Variants in LRRFIP1 observed in about 807,000 individuals in gnomAD.
LRRFIP1 encodes the protein leucine-rich repeat flightless-interacting protein 1.
Under a neutral mutation model 104.4 loss-of-function variants are expected in LRRFIP1, and 62 were observed. The observed-to-expected ratio is 0.59, with a 90% CI of 0.48 to 0.73. LRRFIP1 has a LOEUF of 0.73. Among genes scored for constraint, LRRFIP1 ranks in the 30% least tolerant of loss-of-function variants. The probability of loss-of-function intolerance (pLI) is 0.00; values close to 1 mark genes in which losing one functional copy is unlikely to be tolerated. For synonymous variants in LRRFIP1, 300 were observed against 299.0 expected (o/e 1.00, Z -0.03); for missense variants, 796 against 824.5 (o/e 0.97, Z 0.42).
chr2:237,634,876 C>G (rs1273165880), intron 1 of LRRFIP1, among the ~76,000 whole-genome samples: 1 of 152,154 alleles, frequency 6.6e-6, no homozygotes, highest in Non-Finnish European at 1.5e-5. Flanking sequence ...TATGATTAAA[C>G]AAAGCAGATA....
intron 11 of LRRFIP1, among the ~76,000 whole-genome samples, chr2:237,739,911 CTT>C (rs2095362730): frequency 6.6e-6 from 1 of 152,008 alleles, no homozygotes; most frequent in Non-Finnish European, 1.5e-5. Flanking sequence ...CCCTATGACT[CTT>C]TTTAAAGGAA....
chr2:237,764,505 GA>G, intron 19 of LRRFIP1: 1 of 1,107,158 alleles, frequency 9.0e-7, no homozygotes, highest in South Asian at 3.3e-5. Context: ...GCATCTAATT[GA>G]AATGACCAAA....
intron 5 of LRRFIP1, among the ~76,000 whole-genome samples, chr2:237,719,940 C>CTTTTTTTTTTTTTTTTTTT: frequency 9.6e-6 from 1 of 103,974 alleles, no homozygotes; most frequent in Non-Finnish European, 1.9e-5. Flanking sequence ...GATGAAATTA[C>CTTTTTTTTTTTTTTTTTTT]TTTTTTTTTT....
Position 237,764,076 on chromosome 2 carries a change from G to A in LRRFIP1, c.1459+3871G>A, listed in dbSNP as rs143840075. 15 of 1,614,100 alleles carry A rather than the reference G, an allele frequency of 9.3e-6. No individual in the cohort carries two copies. The highest frequency in any genetic ancestry group is 1.3e-5 in the Non-Finnish European group (15 of 1,180,034). ...GAGCCAGGGCACTTCAATCCAGAAAGCAGAGAAGATACCAGAGGAGGGAAT... is the reference window on the plus strand; with the variant it reads ...GAGCCAGGGCACTTCAATCCAGAAAACAGAGAAGATACCAGAGGAGGGAAT... On this transcript the variant is annotated intron_variant, in intron 19 of 23. Coordinates refer to ENST00000308482, the MANE Select transcript of LRRFIP1 (RefSeq NM_001137550.2).
chr2:237,635,665 A>AT (rs1030420555), intron 1 of LRRFIP1, among the ~76,000 whole-genome samples: 40 of 152,080 alleles, frequency 2.6e-4, no homozygotes, highest in Non-Finnish European at 3.4e-4. Flanking sequence ...TTAAAAATAT[A>AT]TTTTTTTTAT....
rs374899027 is a variant in LRRFIP1 at position 237,658,852 on chromosome 2, C to A, written c.96+31112C>A. Among the ~76,000 whole-genome samples the A allele has an allele frequency of 1.4e-3, 211 of 152,252 alleles. 1 individual carries two copies. Among genetic ancestry groups the A allele is most frequent in the African/African-American group, 4.5e-3 (189 of 41,540 alleles). ...TTATGGGGATTATGGAGATTACAAT[C>A]CAAGATGAGATTTGGGTGGGGACAC... On this transcript the variant is annotated intron_variant, in intron 1 of 23. Transcript: ENST00000308482.
Position 237,717,784 on chromosome 2 carries a change from A to C in LRRFIP1, c.224A>C (p.Lys75Thr). The stretch of plus-strand genomic sequence containing the variant: ...TAGAAATATTATGGGCTGGATACAA[A>C]ATGGGGTGACATCGAGCAGTGGATG... ...VQKKYYGLDT[K>T]WGDIEQWMED... is the part of the protein sequence containing the mutation. The change falls in exon 4 of 24, where the codon AAA becomes ACA. Residue 75 changes from lysine (K) to threonine (T), a missense_variant. Physicochemically the swap from Lys to Thr is moderately conservative, Grantham distance 78. Transcript: ENST00000308482. This position sits in a 1 kb window ranked among gnomAD's most constrained non-coding sequence, Gnocchi z 4.2. 1.5e-5 allele frequency: 25 copies of C among 1,612,916 alleles called. No individual in the cohort carries two copies. The highest frequency in any genetic ancestry group is 2.1e-5 in the Non-Finnish European group (25 of 1,178,930).
At chr2:237,725,482 G>A (rs910486826) in intron 7 of LRRFIP1, among the ~76,000 whole-genome samples, 13 of 152,030 alleles carry the variant, frequency 8.6e-5, no homozygotes, top group African/African-American at 1.4e-4. Flanking sequence ...CTTATGCCAC[G>A]TAAAAACAGC....
chr2:237,755,566 C>T (rs2059169867), intron 15 of LRRFIP1, among the ~76,000 whole-genome samples: 1 of 152,210 alleles, frequency 6.6e-6, no homozygotes, highest in Non-Finnish European at 1.5e-5. Flanking sequence ...ATTGCATCAA[C>T]TCCTCAGGTT....
At chr2:237,669,530 A>G (rs1189767663) in intron 1 of LRRFIP1, among the ~76,000 whole-genome samples, 2 of 152,168 alleles carry the variant, frequency 1.3e-5, no homozygotes, top group Non-Finnish European at 2.9e-5. Context: ...GTTGTTGCAA[A>G]TATTTTTTTT....
rs189630318 is a variant in LRRFIP1, at chr2:237,745,600, C to G, written c.634-2764C>G. 5.5e-4 allele frequency among the ~76,000 whole-genome samples: 84 copies of G among 152,248 alleles called. No homozygotes were observed. The Middle Eastern group carries it at 0.017, about 31-fold the overall frequency. On this transcript the variant is annotated intron_variant, in intron 11 of 23. Transcript: ENST00000308482. ...AAAGATGTGTTAAAGCCCTGCCCCC[C>G]CAAAATCAAGGTTTGTGGACCCCGT...
chr2:237,747,715 C>T (rs1559769887), intron 11 of LRRFIP1, among the ~76,000 whole-genome samples: 1 of 152,114 alleles, frequency 6.6e-6, no homozygotes, highest in Non-Finnish European at 1.5e-5. Context: ...TTCTGAGCTA[C>T]GGGAAGTTGG....
chr2:237,729,698 G>A (rs1394007297), intron 8 of LRRFIP1: 38 of 597,302 alleles, frequency 6.4e-5, no homozygotes, highest in Non-Finnish European at 5.9e-5. Context: ...TTCCATGTTC[G>A]CCTTTTGAAT....
chr2:237,730,244 A>C (rs2094939775), intron 8 of LRRFIP1, among the ~76,000 whole-genome samples: 3 of 152,262 alleles, frequency 2.0e-5, no homozygotes, highest in Non-Finnish European at 2.9e-5. Flanking sequence ...TTGGGCATGG[A>C]CTAGACTTGG....
chr2:237,752,222 A>G (rs1267355472), intron 14 of LRRFIP1, among the ~76,000 whole-genome samples: 2 of 152,282 alleles, frequency 1.3e-5, no homozygotes, highest in African/African-American at 4.8e-5. Flanking sequence ...CCTGGCCAAC[A>G]TGGTGAGACC....
chr2:237,667,875 C>T (rs1213728939), intron 1 of LRRFIP1, among the ~76,000 whole-genome samples: 3 of 152,094 alleles, frequency 2.0e-5, no homozygotes, highest in African/African-American at 7.2e-5. Flanking sequence ...CAGCCTCTCC[C>T]GGGTTCCTGG....
chr2:237,636,097 C>CAAA (rs58896300), intron 1 of LRRFIP1, among the ~76,000 whole-genome samples: 3 of 127,004 alleles, frequency 2.4e-5, no homozygotes, highest in African/African-American at 5.8e-5. Flanking sequence ...AACTCTGTCT[C>CAAA]AAAAAAAAAA....
At chr2:237,728,843 C>A (rs56145743) in intron 8 of LRRFIP1, among the ~76,000 whole-genome samples, 19,223 of 152,166 alleles carry the variant, frequency 0.13, 2,582 homozygotes, top group African/African-American at 0.35. Flanking sequence ...CGACCAAAGC[C>A]GTCTTTAGCT....
At chr2:237,706,297 T>G (rs939286861) in intron 1 of LRRFIP1, among the ~76,000 whole-genome samples, 1 of 152,160 alleles carries the variant, frequency 6.6e-6, no homozygotes, top group African/African-American at 2.4e-5. Flanking sequence ...GTGGCCCTTC[T>G]TTCCCCCAAC....
Sources: allele counts gnomAD v4.1 joint callset (sites outside exome capture counted in the v4.1 genomes callset), GRCh38; gene constraint gnomAD v4.1.1; non-coding constraint Gnocchi (gnomAD v3.1); transcripts MANE v1.5; gene names NCBI Gene and HGNC (gene_info 2026-07-23, HGNC 2026-07-21).